PBK: variants seen among roughly 807,000 people sequenced by gnomAD.
The protein encoded by PBK is PDZ binding kinase, also known as lymphokine-activated killer T-cell-originated protein kinase.
A neutral mutation model predicts 33.5 loss-of-function variants in PBK; 22 were observed. That is an observed-to-expected ratio of 0.66 (90% CI 0.47 to 0.94). The LOEUF is 0.94. Ranked by LOEUF, PBK falls within the 40% of genes least tolerant of loss-of-function variation. The probability of loss-of-function intolerance (pLI) is 0.00; values close to 1 mark genes in which losing one functional copy is unlikely to be tolerated. For missense variants in PBK, 376 were observed against 383.4 expected (o/e 0.98, Z 0.16); for synonymous variants, 129 against 123.8 (o/e 1.04, Z -0.28).
rs1466656751 is a variant in PBK, at chr8:27,822,632, CAGT to C, written c.296-147_296-145del. On this transcript the variant is annotated intron_variant, in intron 4 of 7. Transcript: ENST00000301905. ...ACAGCTACTATTTACAAGACTAATT[CAGT>C]AGATCTCATTTAAAATGCCTTCAGT... 63 of 542,822 alleles carry C rather than the reference CAGT, an allele frequency of 1.2e-4. No homozygotes were observed. The South Asian group carries it at 1.9e-3, about 16-fold the overall frequency. The allele number at this position is 542,822 out of a possible 1,614,324, so 33.6% of individuals were successfully genotyped here.
At chr8:27,831,130 A>C (rs1378395222) in intron 2 of PBK, among the ~76,000 whole-genome samples, 1 of 152,176 alleles carries the variant, frequency 6.6e-6, no homozygotes, top group African/African-American at 2.4e-5. Flanking sequence ...AGGAGAGTGG[A>C]TCACTTGAGG....
chr8:27,821,617 ATACTT>A (rs1805930640), intron 5 of PBK, among the ~76,000 whole-genome samples: 1 of 152,240 alleles, frequency 6.6e-6, no homozygotes, highest in African/African-American at 2.4e-5. Flanking sequence ...TAAGTTAACT[ATACTT>A]ATAAATTGGT....
At chr8:27,814,875 C>T (rs966030693) in intron 6 of PBK, among the ~76,000 whole-genome samples, 3 of 152,096 alleles carry the variant, frequency 2.0e-5, no homozygotes, top group African/African-American at 7.2e-5. Context: ...TGATTCCTCC[C>T]ATAGTGTCAT....
chr8:27,823,707 A>G (rs1391547006), intron 3 of PBK, among the ~76,000 whole-genome samples: 3 of 152,052 alleles, frequency 2.0e-5, no homozygotes. Context: ...ACCTTTTACC[A>G]CATGCTCAAA....
rs146577358 is a variant in PBK at position 27,821,076 on chromosome 8, C to T, written c.466-382G>A. On this transcript the variant is annotated intron_variant, in intron 5 of 7. Transcript: ENST00000301905. ...CTCCTGGCTTCAAGTGATCCGCCTG[C>T]CTCAGTCTCCCAAAGTGCTGGGATT... 9.2e-3 allele frequency among the ~76,000 whole-genome samples: 1,396 copies of T among 152,084 alleles called. 25 individuals carry two copies. Among genetic ancestry groups the T allele is most frequent in the African/African-American group, 0.032 (1,332 of 41,450 alleles).
intron 6 of PBK, among the ~76,000 whole-genome samples, chr8:27,818,176 T>A (rs1269606254): frequency 6.6e-6 from 1 of 152,154 alleles, no homozygotes; most frequent in African/African-American, 2.4e-5. Context: ...TAATAAGCCT[T>A]GGTTGTTGTA....
chr8:27,812,516 C>T (rs1805708826), intron 6 of PBK: 1 of 151,774 alleles, frequency 6.6e-6, no homozygotes, highest in South Asian at 2.1e-4. Flanking sequence ...AAGAAAGTAC[C>T]ATCAAAGTGA....
Position 27,810,196 on chromosome 8 carries a change from G to A in PBK, c.*109C>T. 1.4e-6 allele frequency: 1 copy of A among 716,128 alleles called. No individual in the cohort carries two copies. Among genetic ancestry groups the A allele is most frequent in the East Asian group, 2.6e-5 (1 of 37,892 alleles). 44.4% of individuals were successfully genotyped at this position (716,128 alleles called of 1,614,324 possible). ...TATCCATATGTTAACAAGAAACTAT[G>A]GTCCTCAAATATGCCAATTTTAGAG... On this transcript the variant is annotated 3_prime_UTR_variant, in exon 8 of 8. Transcript: ENST00000301905.
intron 6 of PBK, among the ~76,000 whole-genome samples, chr8:27,815,614 A>G (rs1465829492): frequency 6.6e-6 from 1 of 151,182 alleles, no homozygotes; most frequent in African/African-American, 2.5e-5. Flanking sequence ...ATACACGTAT[A>G]TGTGTGTGTA....
Position 27,820,615 on chromosome 8 carries a change from A to C in PBK, c.545T>G (p.Ile182Ser), listed in dbSNP as rs780122465. 2.5e-6 allele frequency: 4 copies of C among 1,572,464 alleles called. No individual in the cohort carries two copies. The highest frequency in any genetic ancestry group is 2.6e-6 in the Non-Finnish European group (3 of 1,144,412). ...AGAGACTCCTACATCACAGATTTTA[A>C]TTGTTTCAAAATCGCCTTTAATTAC... ...NVVIKGDFET[I>S]KICDVGVSLP... is the part of the protein sequence containing the mutation. The change falls in exon 6 of 8, where the codon ATT becomes AGT. Residue 182 changes from isoleucine (I) to serine (S), a missense_variant. Coordinates refer to ENST00000301905, the MANE Select transcript of PBK (RefSeq NM_018492.4).
rs769406505 is a variant in PBK at position 27,822,507 on chromosome 8, T to A, written c.296-19A>T. 6.5e-7 allele frequency: 1 copy of A among 1,544,282 alleles called. No homozygotes were observed. The highest frequency in any genetic ancestry group is 8.8e-7 in the Non-Finnish European group (1 of 1,132,268). The stretch of plus-strand genomic sequence containing the variant: ...CGATAACCTTAAAGAAAACATGACA[T>A]TTCTTCACTAATATAGAGAAGAACA... On this transcript the variant is annotated intron_variant, in intron 4 of 7. Coordinates refer to ENST00000301905, the MANE Select transcript of PBK (RefSeq NM_018492.4).
rs76204675 is a variant in PBK at position 27,823,037 on chromosome 8, G to C, written c.295+26C>G. The C allele has an allele frequency of 1.6e-3, 2,408 of 1,503,808 alleles. 38 individuals are homozygous for C. The African/African-American group carries it at 0.03, about 19-fold the overall frequency. 93.2% of individuals were successfully genotyped at this position (1,503,808 alleles called of 1,614,324 possible). ...TCTGAATAAACAAAATAATATACCA[G>C]ATACTGCTACCAAATTTAAACGTAC... On this transcript the variant is annotated intron_variant, in intron 4 of 7. Transcript: ENST00000301905.
intron 2 of PBK, among the ~76,000 whole-genome samples, chr8:27,832,546 T>C (rs1172385713): frequency 6.6e-6 from 1 of 152,244 alleles, no homozygotes; most frequent in Admixed American, 6.5e-5. Context: ...TTTAGGACGG[T>C]TGCAGGATAC....
At chr8:27,817,901 T>C (rs909430497) in intron 6 of PBK, among the ~76,000 whole-genome samples, 2 of 152,214 alleles carry the variant, frequency 1.3e-5, no homozygotes, top group Admixed American at 6.5e-5. Context: ...TAAATCTGCA[T>C]TGTCCAATGT....
chr8:27,834,454 G>C (rs933757445), intron 1 of PBK, among the ~76,000 whole-genome samples: 3 of 152,146 alleles, frequency 2.0e-5, no homozygotes, highest in Non-Finnish European at 4.4e-5. Context: ...TTTCTTTCTG[G>C]GGTGAAGAAA....
intron 7 of PBK, 126 bp from the exon 8 acceptor site, chr8:27,810,627 G>A (rs1805658883): frequency 1.6e-6 from 1 of 620,368 alleles, no homozygotes; most frequent in Admixed American, 3.0e-5. Context: ...GCCACAGACA[G>A]AATGGAAATG....
chr8:27,811,376 A>G, intron 6 of PBK: 1 of 581,328 alleles, frequency 1.7e-6, no homozygotes, highest in African/African-American at 1.9e-5. Context: ...ACAAATTAGT[A>G]GGAATATAGA....
chr8:27,815,124 A>G (rs1415953513), intron 6 of PBK, among the ~76,000 whole-genome samples: 1 of 152,218 alleles, frequency 6.6e-6, no homozygotes, highest in Non-Finnish European at 1.5e-5. Context: ...ACTGAAGGAA[A>G]GTTCTGCCCT....
intron 3 of PBK, 135 bp downstream of exon 3, chr8:27,827,970 G>A: frequency 1.9e-6 from 1 of 523,530 alleles, no homozygotes; most frequent in South Asian, 3.1e-5. Context: ...CTAGGGACCG[G>A]AATACAGCCA....
Sources: allele counts gnomAD v4.1 joint callset (sites outside exome capture counted in the v4.1 genomes callset), GRCh38; gene constraint gnomAD v4.1.1; transcripts MANE v1.5; gene names NCBI Gene and HGNC (gene_info 2026-07-23, HGNC 2026-07-21).